The following JARID2 variants were observed in gnomAD, a reference collection of about 807,000 sequenced individuals.
JARID2 encodes jumonji and AT-rich interaction domain containing 2.
JARID2 carries 21 observed loss-of-function variants against 125.6 expected under a neutral mutation model. The ratio of observed to expected loss-of-function variants is 0.17; its 90% CI spans 0.12 to 0.24. JARID2 has a LOEUF of 0.24. Ranked by LOEUF, JARID2 falls within the 10% of genes least tolerant of loss-of-function variation. JARID2 has a pLI of 1.00. For synonymous variants in JARID2, 736 were observed against 661.6 expected (o/e 1.11, Z -1.73); for missense variants, 1,303 against 1,639.6 (o/e 0.79, Z 3.55).
At chr6:15,440,915 T>C (rs1418863834) in intron 3 of JARID2, among the ~76,000 whole-genome samples, 1 of 152,230 alleles carries the variant, frequency 6.6e-6, no homozygotes. Context: ...GTGAATCCTT[T>C]TCTTACAGAG....
intron 1 of JARID2, among the ~76,000 whole-genome samples, chr6:15,315,802 T>C (rs1012189557): frequency 6.6e-6 from 1 of 152,194 alleles, no homozygotes; most frequent in Non-Finnish European, 1.5e-5. Flanking sequence ...AAGCAAGTCC[T>C]GTAGTGTGTG....
At chr6:15,461,166 A>C (rs139470994) in intron 4 of JARID2, among the ~76,000 whole-genome samples, 2 of 152,322 alleles carry the variant, frequency 1.3e-5, no homozygotes, top group Non-Finnish European at 2.9e-5. Context: ...TGTGTATTTG[A>C]ATGTGTTTTA....
chr6:15,280,813 C>T (rs941172918), intron 1 of JARID2, among the ~76,000 whole-genome samples: 2 of 151,934 alleles, frequency 1.3e-5, no homozygotes, highest in Non-Finnish European at 2.9e-5. Context: ...ATTTTCATTA[C>T]AGATGGGGTT....
chr6:15,305,058 C>T (rs1761771141), intron 1 of JARID2, among the ~76,000 whole-genome samples: 1 of 152,154 alleles, frequency 6.6e-6, no homozygotes, highest in South Asian at 2.1e-4. Context: ...CCACTGGGAG[C>T]CAGCACAAGT....
chr6:15,290,303 A>G (rs958199743), intron 1 of JARID2, among the ~76,000 whole-genome samples: 6 of 152,172 alleles, frequency 3.9e-5, no homozygotes, highest in African/African-American at 1.4e-4. Context: ...TGGCTGATAA[A>G]CTTTAGATTG....
intron 3 of JARID2, among the ~76,000 whole-genome samples, chr6:15,410,968 A>T (rs140375828): frequency 1.1e-3 from 172 of 152,368 alleles, no homozygotes; most frequent in African/African-American, 3.7e-3. Context: ...TTGTGGTTTC[A>T]TGGTCAAACA....
intron 1 of JARID2, among the ~76,000 whole-genome samples, chr6:15,282,991 T>G (rs1760818899): frequency 6.6e-6 from 1 of 152,058 alleles, no homozygotes; most frequent in Non-Finnish European, 1.5e-5. Flanking sequence ...TTTTTTTATT[T>G]TTTTTGAGAC....
intron 3 of JARID2, among the ~76,000 whole-genome samples, chr6:15,426,304 G>A (rs959487244): frequency 9.2e-5 from 14 of 152,098 alleles, no homozygotes; most frequent in African/African-American, 3.1e-4. Context: ...TCTCTTTACC[G>A]ATGGACTTCA....
At chr6:15,402,909 A>C (rs1185413987) in intron 2 of JARID2, among the ~76,000 whole-genome samples, 3 of 152,218 alleles carry the variant, frequency 2.0e-5, no homozygotes, top group African/African-American at 7.2e-5. Flanking sequence ...GTGTGGACCC[A>C]GAGCAGTTAC....
rs1444642848 is a variant in JARID2 at position 15,374,256 on chromosome 6, A to G, written c.181+4A>G. On this transcript the variant is annotated splice_donor_region_variant and intron_variant, in intron 2 of 17. Transcript: ENST00000341776. ...GGGAGCCTGAAAACTGTGAATGGTGAGTTGACTCTTGGAATATCTCATTGG... is the reference window on the plus strand; with the variant it reads ...GGGAGCCTGAAAACTGTGAATGGTGGGTTGACTCTTGGAATATCTCATTGG... 6.2e-7 allele frequency: 1 copy of G among 1,613,552 alleles called. No homozygotes were observed. Among genetic ancestry groups the G allele is most frequent in the African/African-American group, 1.3e-5 (1 of 74,998 alleles).
At chr6:15,360,678 T>C (rs956872147) in intron 1 of JARID2, among the ~76,000 whole-genome samples, 1 of 150,546 alleles carries the variant, frequency 6.6e-6, no homozygotes, top group African/African-American at 2.4e-5. Context: ...TAAATTTTTG[T>C]TGTTGTAGAG....
intron 5 of JARID2, among the ~76,000 whole-genome samples, chr6:15,469,313 T>G (rs1265482418): frequency 1.6e-5 from 2 of 126,824 alleles, no homozygotes; most frequent in Non-Finnish European, 3.4e-5. Flanking sequence ...TGTCTCTCTC[T>G]CTCTGTCTCT....
intron 1 of JARID2, among the ~76,000 whole-genome samples, chr6:15,314,721 A>G (rs1280659350): frequency 6.6e-6 from 1 of 152,224 alleles, no homozygotes; most frequent in Non-Finnish European, 1.5e-5. Context: ...TAGATGCCAG[A>G]GGTAGACACT....
intron 1 of JARID2, among the ~76,000 whole-genome samples, chr6:15,254,842 C>T (rs963835530): frequency 1.3e-5 from 2 of 152,002 alleles, no homozygotes; most frequent in African/African-American, 4.8e-5. Context: ...GAGTTCTAGA[C>T]TAGCCTGGCC....
At chr6:15,483,398 T>TCAC (rs1194808490) in intron 5 of JARID2, among the ~76,000 whole-genome samples, 6 of 151,974 alleles carry the variant, frequency 3.9e-5, no homozygotes, top group Admixed American at 2.0e-4. Flanking sequence ...GTTTTTTTTT[T>TCAC]TTAACTGCTA....
intron 3 of JARID2, among the ~76,000 whole-genome samples, chr6:15,422,418 A>T (rs1766537402): frequency 6.6e-6 from 1 of 152,124 alleles, no homozygotes; most frequent in Non-Finnish European, 1.5e-5. Context: ...CAGCAAGGTG[A>T]ACCTGAGTTC....
intron 2 of JARID2, among the ~76,000 whole-genome samples, chr6:15,382,367 A>G (rs1764623879): frequency 6.6e-6 from 1 of 152,222 alleles, no homozygotes. Context: ...GAAACGTTGT[A>G]TATCCATGAG....
At position 15,263,631 on chromosome 6, in the gene JARID2, C is replaced by T. The variant is rs187990138; in HGVS notation, c.45+17047C>T. On this transcript the variant is annotated intron_variant, in intron 1 of 17. Coordinates refer to ENST00000341776, the MANE Select transcript of JARID2 (RefSeq NM_004973.4). ...TTTTTGAGACAGAGTCTCACTTTGT[C>T]GCCCAGGCTGGAGTGCAGTGGCGCG... is the stretch of plus-strand genomic sequence containing the variant. Among the ~76,000 whole-genome samples, 65 of 138,438 alleles carry T rather than the reference C, an allele frequency of 4.7e-4. No individual in the cohort carries two copies. The East Asian group carries it at 9.8e-3, about 21-fold the overall frequency. 90.8% of individuals were successfully genotyped at this position (138,438 alleles called of 152,430 possible).
At chr6:15,382,302 T>A (rs1764621641) in intron 2 of JARID2, among the ~76,000 whole-genome samples, 1 of 152,058 alleles carries the variant, frequency 6.6e-6, no homozygotes, top group Non-Finnish European at 1.5e-5. Context: ...TATGGGTGAG[T>A]GCAGGAGGCT....
Sources: gnomAD v4.1 joint callset for allele counts (sites outside exome capture counted in the v4.1 genomes callset) on GRCh38, gnomAD v4.1.1 for gene constraint, MANE v1.5 for transcripts, NCBI Gene and HGNC (gene_info 2026-07-23, HGNC 2026-07-21) for gene names.